Variants in XKR6 observed in about 807,000 individuals in gnomAD.
XKR6 encodes the protein XK-related protein 6.
XKR6 carries 22 observed loss-of-function variants against 56.7 expected under a neutral mutation model. That is an observed-to-expected ratio of 0.39 (90% confidence interval 0.28 to 0.55). The LOEUF is 0.55. Among genes scored for constraint, XKR6 ranks in the 20% least tolerant of loss-of-function variants. XKR6 has a pLI of 0.66. For missense variants in XKR6, 852 were observed against 889.0 expected (o/e 0.96, Z 0.53); for synonymous variants, 524 against 387.8 (o/e 1.35, Z -4.13).
chr8:10,974,471 C>A (rs1173006151), intron 1 of XKR6, among the ~76,000 whole-genome samples: 1 of 152,194 alleles, frequency 6.6e-6, no homozygotes, highest in Non-Finnish European at 1.5e-5. Flanking sequence ...ATCTCCCTGA[C>A]CAATCCTAAG....
intron 1 of XKR6, among the ~76,000 whole-genome samples, chr8:11,016,658 G>A (rs1484635344): frequency 6.6e-6 from 1 of 152,112 alleles, no homozygotes; most frequent in Non-Finnish European, 1.5e-5. Context: ...CACTGCCACG[G>A]ATGACGACGC....
intron 1 of XKR6, among the ~76,000 whole-genome samples, chr8:10,932,431 T>C (rs1223243928): frequency 1.3e-5 from 2 of 151,894 alleles, no homozygotes; most frequent in East Asian, 3.9e-4. Context: ...TTTTCTTTTT[T>C]TTTTTTATTA....
intron 1 of XKR6, among the ~76,000 whole-genome samples, chr8:11,189,914 T>C (rs1331600090): frequency 6.6e-6 from 1 of 152,166 alleles, no homozygotes; most frequent in African/African-American, 2.4e-5. Flanking sequence ...CCCAGCACTT[T>C]GGGAGGCCAA....
At chr8:11,052,894 A>G (rs943078102) in intron 1 of XKR6, among the ~76,000 whole-genome samples, 3 of 152,200 alleles carry the variant, frequency 2.0e-5, no homozygotes, top group African/African-American at 7.2e-5. Context: ...GGCCACCTGC[A>G]GAAAGCCTTC....
intron 1 of XKR6, among the ~76,000 whole-genome samples, chr8:11,083,330 C>A (rs1318478472): frequency 6.6e-6 from 1 of 152,164 alleles, no homozygotes; most frequent in Non-Finnish European, 1.5e-5. Context: ...CATACACCGA[C>A]CCACGGTGCA....
At chr8:10,985,159 C>G (rs573863053) in intron 1 of XKR6, among the ~76,000 whole-genome samples, 4 of 151,988 alleles carry the variant, frequency 2.6e-5, no homozygotes, top group African/African-American at 9.7e-5. Flanking sequence ...TGCTGTGTCC[C>G]CACCCAAATC....
chr8:11,108,969 G>A (rs564970224), intron 1 of XKR6: 1 of 152,320 alleles, frequency 6.6e-6, no homozygotes, highest in Admixed American at 6.5e-5. Context: ...ATTTTCTCTG[G>A]GTGTTCCTAT....
At chr8:10,904,634 G>A (rs977740209) in intron 2 of XKR6, among the ~76,000 whole-genome samples, 2 of 152,192 alleles carry the variant, frequency 1.3e-5, no homozygotes, top group African/African-American at 2.4e-5. Flanking sequence ...CAGGAAGGGA[G>A]GCTGTGACCG....
At position 11,114,727 on chromosome 8, in the gene XKR6, A is replaced by ATGTGTGTGTG. The variant is rs58011023; in HGVS notation, c.764+85839_764+85848dup. 8.5e-4 allele frequency among the ~76,000 whole-genome samples: 101 copies of ATGTGTGTGTG among 118,490 alleles called. No individual in the cohort carries two copies. The Middle Eastern group carries it at 0.014, about 16-fold the overall frequency. 77.7% of individuals were successfully genotyped at this position (118,490 alleles called of 152,430 possible). On this transcript the variant is annotated intron_variant, in intron 1 of 2. Coordinates refer to ENST00000416569, the MANE Select transcript of XKR6 (RefSeq NM_173683.4). The stretch of plus-strand genomic sequence containing the variant: ...ATGAAGTCAGCTACTTAGATCACAT[A>ATGTGTGTGTG]TGTGTGTGTGTGTGTGTGTGTGTGT...
chr8:10,947,985 C>G (rs1306302291), intron 1 of XKR6, among the ~76,000 whole-genome samples: 2 of 152,152 alleles, frequency 1.3e-5, no homozygotes, highest in Non-Finnish European at 2.9e-5. Flanking sequence ...CAATGCCTTT[C>G]AAAGTCGTGT....
intron 1 of XKR6, among the ~76,000 whole-genome samples, chr8:10,973,892 C>A (rs1802477536): frequency 6.6e-6 from 1 of 152,196 alleles, no homozygotes; most frequent in African/African-American, 2.4e-5. Context: ...TCCACTATTG[C>A]TATTTCTTGA....
chr8:10,904,137 G>T (rs781227950), intron 2 of XKR6, among the ~76,000 whole-genome samples: 2 of 152,122 alleles, frequency 1.3e-5, no homozygotes, highest in African/African-American at 4.8e-5. Context: ...CACGCTTCAC[G>T]TTTGGCTGTG....
chr8:11,118,417 A>T (rs1369664650), intron 1 of XKR6, among the ~76,000 whole-genome samples: 1 of 152,206 alleles, frequency 6.6e-6, no homozygotes, highest in Non-Finnish European at 1.5e-5. Flanking sequence ...GGTAGAATTC[A>T]TCTGTGAAAC....
chr8:10,964,322 T>C (rs935232306), intron 1 of XKR6, among the ~76,000 whole-genome samples: 6 of 152,168 alleles, frequency 3.9e-5, no homozygotes, highest in Non-Finnish European at 4.4e-5. Context: ...TGCTCAGTTT[T>C]GCAAAATGGA....
At chr8:11,044,373 C>T (rs1799356687) in intron 1 of XKR6, among the ~76,000 whole-genome samples, 1 of 152,098 alleles carries the variant, frequency 6.6e-6, no homozygotes, top group Non-Finnish European at 1.5e-5. Context: ...CTCAGCCAAC[C>T]CCTTCAGCAA....
chr8:10,933,212 T>A (rs1801114563), intron 1 of XKR6, among the ~76,000 whole-genome samples: 2 of 113,202 alleles, frequency 1.8e-5, no homozygotes, highest in African/African-American at 8.2e-5. Context: ...GAAGTGTCTG[T>A]TCATGTCCCT....
At chr8:10,959,501 T>C (rs578000413) in intron 1 of XKR6, among the ~76,000 whole-genome samples, 10 of 152,318 alleles carry the variant, frequency 6.6e-5, no homozygotes, top group Non-Finnish European at 1.5e-4. Flanking sequence ...CCAGTGGATT[T>C]GGTTCCTGGT....
intron 1 of XKR6, among the ~76,000 whole-genome samples, chr8:10,996,416 C>CT (rs1196523087): frequency 3.3e-5 from 5 of 152,148 alleles, no homozygotes; most frequent in Admixed American, 2.0e-4. Context: ...ATATGTTCTG[C>CT]TTTTTTTCTT....
intron 1 of XKR6, among the ~76,000 whole-genome samples, chr8:11,110,325 G>C (rs1300152830): frequency 2.0e-5 from 3 of 152,104 alleles, no homozygotes; most frequent in South Asian, 4.2e-4. Context: ...TACATTACCA[G>C]CCAATTTCTC....
Sources: gnomAD v4.1 joint callset for allele counts (sites outside exome capture counted in the v4.1 genomes callset) on GRCh38, gnomAD v4.1.1 for gene constraint, MANE v1.5 for transcripts, NCBI Gene and HGNC (gene_info 2026-07-23, HGNC 2026-07-21) for gene names.